The following RGS7 variants were observed in gnomAD, a reference collection of about 807,000 sequenced individuals.
RGS7 encodes regulator of G-protein signaling 7.
In RGS7, 27 loss-of-function variants were observed where a neutral mutation model predicts 81.1. The observed-to-expected ratio is 0.33, with a 90% CI of 0.25 to 0.46. RGS7 has a LOEUF of 0.46. Ranked by LOEUF, RGS7 falls within the 20% of genes least tolerant of loss-of-function variation. RGS7 has a pLI of 1.00. For synonymous variants in RGS7, 208 were observed against 207.7 expected, an observed-to-expected ratio of 1.00 and a Z score of -0.01; for missense variants, 396 against 607.4, an observed-to-expected ratio of 0.65 and a Z score of 3.66.
chr1:241,001,636 T>C (rs1688156589), intron 3 of RGS7, among the ~76,000 whole-genome samples: 1 of 151,484 alleles, frequency 6.6e-6, no homozygotes, highest in South Asian at 2.1e-4. Context: ...CCATGAGGAG[T>C]CATGGCAGAA....
chr1:241,078,491 GT>G (rs1472233339), intron 3 of RGS7, among the ~76,000 whole-genome samples: 1 of 151,528 alleles, frequency 6.6e-6, no homozygotes, highest in Admixed American at 6.6e-5. Context: ...AGTTATGTGT[GT>G]GTGTGTGTGT....
At chr1:241,209,321 T>A (rs2074109922) in intron 2 of RGS7, among the ~76,000 whole-genome samples, 1 of 152,118 alleles carries the variant, frequency 6.6e-6, no homozygotes, top group African/African-American at 2.4e-5. Flanking sequence ...GTGGGCATAA[T>A]GGAAATTTAG....
chr1:241,109,281 G>A (rs2065347044), intron 2 of RGS7, among the ~76,000 whole-genome samples: 1 of 152,000 alleles, frequency 6.6e-6, no homozygotes, highest in African/African-American at 2.4e-5. Flanking sequence ...CTGTGCCTGT[G>A]GAAATTCAGC....
intron 2 of RGS7, among the ~76,000 whole-genome samples, chr1:241,309,660 A>C (rs2080390367): frequency 6.6e-6 from 1 of 152,182 alleles, no homozygotes; most frequent in Non-Finnish European, 1.5e-5. Flanking sequence ...GTAGAATGTA[A>C]AGGTCTGAGG....
chr1:241,091,545 CTCAA>C (rs1345859377), intron 3 of RGS7, among the ~76,000 whole-genome samples: 1 of 120,402 alleles, frequency 8.3e-6, no homozygotes. Context: ...GAGACTCTGT[CTCAA>C]TAAATAAATA....
intron 14 of RGS7, among the ~76,000 whole-genome samples, 183 bp from the exon 15 acceptor site, chr1:240,806,509 GA>G (rs1241397407): frequency 1.4e-5 from 2 of 147,532 alleles, no homozygotes; most frequent in Non-Finnish European, 3.0e-5. Flanking sequence ...AGATTATTAT[GA>G]AAAATAATTA....
At chr1:241,227,876 A>G (rs1323481629) in intron 2 of RGS7, among the ~76,000 whole-genome samples, 1 of 152,204 alleles carries the variant, frequency 6.6e-6, no homozygotes, top group Non-Finnish European at 1.5e-5. Context: ...TTCTGAAGGT[A>G]GGTGTTCCCC....
intron 6 of RGS7, among the ~76,000 whole-genome samples, chr1:240,870,663 G>A (rs1460186600): frequency 6.6e-6 from 1 of 152,032 alleles, no homozygotes; most frequent in Non-Finnish European, 1.5e-5. Context: ...TTATTAAATG[G>A]TCATCACAGT....
intron 2 of RGS7, among the ~76,000 whole-genome samples, chr1:241,158,950 T>C (rs2069402822): frequency 1.3e-5 from 2 of 152,214 alleles, no homozygotes; most frequent in African/African-American, 4.8e-5. Context: ...ACCGTCTATC[T>C]GTCTCTCCAT....
chr1:240,999,805 G>T (rs1459713761), intron 3 of RGS7, among the ~76,000 whole-genome samples: 2 of 151,782 alleles, frequency 1.3e-5, no homozygotes, highest in African/African-American at 4.8e-5. Flanking sequence ...GTTTCGCCAT[G>T]TCGGCCAGGC....
chr1:241,270,174 C>G (rs373316675), intron 2 of RGS7, among the ~76,000 whole-genome samples: 2 of 152,290 alleles, frequency 1.3e-5, no homozygotes, highest in South Asian at 2.1e-4. Context: ...TCAATGCTGG[C>G]CCCTGCATCC....
chr1:241,075,581 C>T (rs2062746470), intron 3 of RGS7, among the ~76,000 whole-genome samples: 1 of 151,798 alleles, frequency 6.6e-6, no homozygotes, highest in African/African-American at 2.4e-5. Flanking sequence ...CACACTAACA[C>T]TAACGATACC....
At chr1:241,251,686 T>C (rs955695720) in intron 2 of RGS7, among the ~76,000 whole-genome samples, 4 of 151,984 alleles carry the variant, frequency 2.6e-5, no homozygotes, top group African/African-American at 9.6e-5. Flanking sequence ...ATTTTTGTAC[T>C]TTTAGTAGAG....
intron 9 of RGS7, among the ~76,000 whole-genome samples, chr1:240,863,214 C>T (rs564636695): frequency 1.9e-3 from 282 of 152,158 alleles, no homozygotes; most frequent in Non-Finnish European, 3.2e-3. Context: ...TGGCTCATGC[C>T]TATAATCCCA....
chr1:241,179,415 A>G (rs2071419386), intron 2 of RGS7, among the ~76,000 whole-genome samples: 1 of 152,162 alleles, frequency 6.6e-6, no homozygotes, highest in East Asian at 1.9e-4. Flanking sequence ...TTTGGCTGAT[A>G]AAGTGATTTA....
At chr1:241,238,696 G>A (rs867642545) in intron 2 of RGS7, among the ~76,000 whole-genome samples, 27 of 152,030 alleles carry the variant, frequency 1.8e-4, no homozygotes, top group African/African-American at 5.3e-4. Context: ...CACCAGGCCC[G>A]GCTACTAAGC....
rs1011225234 is a variant in RGS7, at chr1:240,991,880, T to C, written c.176-8751A>G. ...GGATCATTCTTGCCCTCAACACATATATTTTTTTCCAGCTACACACAGGCC... is the reference window on the plus strand; with the variant it reads ...GGATCATTCTTGCCCTCAACACATACATTTTTTTCCAGCTACACACAGGCC... On this transcript the variant is annotated intron_variant, in intron 3 of 18. Transcript: ENST00000440928. 3.9e-5 allele frequency among the ~76,000 whole-genome samples: 6 copies of C among 152,326 alleles called. No homozygotes were observed. The East Asian group carries it at 1.2e-3, about 29-fold the overall frequency.
chr1:241,112,806 C>A (rs951582374), intron 2 of RGS7, among the ~76,000 whole-genome samples: 1 of 152,168 alleles, frequency 6.6e-6, no homozygotes, highest in African/African-American at 2.4e-5. Context: ...GGCACTACAA[C>A]GTTAAGATGG....
Position 241,217,587 on chromosome 1 carries a change from C to T in RGS7, c.79-118825G>A, listed in dbSNP as rs571088697. On this transcript the variant is annotated intron_variant, in intron 2 of 18. Transcript: ENST00000440928. ...AAGAGACTCCACCAAGACTGAAAATCCACTGTGCCAACAAAAGCCTTCTAA... is the reference window on the plus strand; with the variant it reads ...AAGAGACTCCACCAAGACTGAAAATTCACTGTGCCAACAAAAGCCTTCTAA... 2.3e-4 allele frequency among the ~76,000 whole-genome samples: 35 copies of T among 152,252 alleles called. No individual in the cohort carries two copies. The South Asian group carries it at 6.0e-3, about 26-fold the overall frequency.
Sources: allele counts gnomAD v4.1 joint callset (sites outside exome capture counted in the v4.1 genomes callset), GRCh38; gene constraint gnomAD v4.1.1; transcripts MANE v1.5; gene names NCBI Gene and HGNC (gene_info 2026-07-23, HGNC 2026-07-21).